The following ADAM19 variants were observed in gnomAD, a reference collection of about 807,000 sequenced individuals.
ADAM19 encodes ADAM metallopeptidase domain 19.
Under a neutral mutation model 114.7 loss-of-function variants are expected in ADAM19, and 65 were observed. The ratio of observed to expected loss-of-function variants is 0.57; its 90% CI spans 0.46 to 0.70. ADAM19 has a LOEUF of 0.70. Ranked by LOEUF, ADAM19 falls within the 30% of genes least tolerant of loss-of-function variation. The pLI is 0.00. For missense variants in ADAM19, 1,063 were observed against 1,204.7 expected, an observed-to-expected ratio of 0.88 and a Z score of 1.74; for synonymous variants, 466 against 460.5, an observed-to-expected ratio of 1.01 and a Z score of -0.15.
intron 3 of ADAM19, among the ~76,000 whole-genome samples, chr5:157,558,657 A>AC (rs935067001): frequency 6.6e-6 from 1 of 152,064 alleles, no homozygotes. Context: ...GTTAAAGTCT[A>AC]CTCTTGACCT....
intron 3 of ADAM19, among the ~76,000 whole-genome samples, chr5:157,556,312 G>A (rs756613396): frequency 1.4e-5 from 2 of 144,110 alleles, no homozygotes; most frequent in African/African-American, 2.6e-5. Flanking sequence ...TCTGCCTCCC[G>A]GGTTCAAGCA....
chr5:157,546,777 G>A (rs1169923768), intron 3 of ADAM19, among the ~76,000 whole-genome samples: 1 of 152,222 alleles, frequency 6.6e-6, no homozygotes, highest in African/African-American at 2.4e-5. Context: ...AAGGGGGGAA[G>A]TGAGACACAT....
intron 20 of ADAM19, 66 bp from the exon 21 acceptor site, chr5:157,488,555 T>C: frequency 7.5e-7 from 1 of 1,335,760 alleles, no homozygotes; most frequent in Non-Finnish European, 1.0e-6. Flanking sequence ...GTGTGTCTCT[T>C]TGAGATAAAC....
At chr5:157,498,528 G>A (rs144030298) in intron 13 of ADAM19, among the ~76,000 whole-genome samples, 14 of 152,256 alleles carry the variant, frequency 9.2e-5, no homozygotes, top group African/African-American at 2.2e-4. Flanking sequence ...GGCCCCTAAC[G>A]AGCACTCAGC....
chr5:157,533,522 G>A (rs911821460), intron 4 of ADAM19, among the ~76,000 whole-genome samples: 4 of 152,112 alleles, frequency 2.6e-5, no homozygotes, highest in African/African-American at 9.7e-5. Flanking sequence ...AACTCAACAG[G>A]GGAGCCACAA....
chr5:157,545,843 T>C (rs1757034295), intron 3 of ADAM19, among the ~76,000 whole-genome samples: 2 of 152,228 alleles, frequency 1.3e-5, no homozygotes, highest in African/African-American at 4.8e-5. Flanking sequence ...TAACTGCATA[T>C]TAAGCAGTGT....
intron 3 of ADAM19, among the ~76,000 whole-genome samples, chr5:157,556,193 GT>G (rs756721503): frequency 0.037 from 3,550 of 95,532 alleles, 69 homozygotes; most frequent in Middle Eastern, 0.061. Context: ...TTTATAACCT[GT>G]TTTTTTTTCT....
intron 14 of ADAM19, among the ~76,000 whole-genome samples, chr5:157,495,699 T>C (rs898396656): frequency 6.6e-6 from 1 of 152,114 alleles, no homozygotes; most frequent in Non-Finnish European, 1.5e-5. Flanking sequence ...AGTGGCACAA[T>C]CTCAGCTCAC....
chr5:157,561,069 C>T (rs1461158463), intron 3 of ADAM19, among the ~76,000 whole-genome samples: 1 of 152,228 alleles, frequency 6.6e-6, no homozygotes, highest in Admixed American at 6.5e-5. Flanking sequence ...ACAGGAATAA[C>T]CGACACAAAA....
At chr5:157,532,740 A>C (rs1453122204) in intron 4 of ADAM19, among the ~76,000 whole-genome samples, 1 of 152,132 alleles carries the variant, frequency 6.6e-6, no homozygotes, top group African/African-American at 2.4e-5. Context: ...GTGACCCAAT[A>C]ATCAGCTACC....
At chr5:157,555,067 C>T (rs1178831471) in intron 3 of ADAM19, among the ~76,000 whole-genome samples, 1 of 152,200 alleles carries the variant, frequency 6.6e-6, no homozygotes, top group Non-Finnish European at 1.5e-5. Context: ...CAGGACTATG[C>T]ATCTGAGAGG....
At chr5:157,488,135 T>C (rs1755011037) in intron 21 of ADAM19, 130 bp downstream of exon 21, 2 of 905,996 alleles carry the variant, frequency 2.2e-6, no homozygotes, top group Non-Finnish European at 3.5e-6. Flanking sequence ...GCCCCCGTAT[T>C]GACTGAATTG....
intron 4 of ADAM19, 125 bp downstream of exon 4, chr5:157,537,788 G>C (rs1053007375): frequency 1.3e-6 from 1 of 795,554 alleles, no homozygotes; most frequent in Non-Finnish European, 2.0e-6. Flanking sequence ...TGCTCCCTTG[G>C]TCTTCGCTTG....
chr5:157,526,171 T>TAC (rs764679784), intron 5 of ADAM19, among the ~76,000 whole-genome samples: 1,859 of 147,806 alleles, frequency 0.013, 16 homozygotes, highest in Non-Finnish European at 0.02. Context: ...TATATATATA[T>TAC]ATACACACAC....
At chr5:157,561,941 AT>A (rs1006945096) in intron 3 of ADAM19, among the ~76,000 whole-genome samples, 4 of 152,048 alleles carry the variant, frequency 2.6e-5, no homozygotes, top group African/African-American at 9.6e-5. Flanking sequence ...AAAAAAAAAA[AT>A]GAATACGTTG....
intron 15 of ADAM19, 67 bp from the exon 16 acceptor site, chr5:157,493,244 G>A: frequency 6.4e-7 from 1 of 1,551,048 alleles, no homozygotes; most frequent in East Asian, 2.3e-5. Flanking sequence ...GGGCACCAGA[G>A]AGCTTCAGTC....
Position 157,574,697 on chromosome 5 carries a change from C to T in ADAM19, c.94+906G>A, listed in dbSNP as rs554435808. Among the ~76,000 whole-genome samples, 9 of 152,184 alleles carry T rather than the reference C, an allele frequency of 5.9e-5. No individual in the cohort carries two copies. In the South Asian group the frequency reaches 1.0e-3, roughly 17 times the overall value. ...ATGAGAGAACCCGGGCACCGCCCCCCGGGACCAAGCCTTCCGCGAAATCTG... is the reference window on the plus strand; with the variant it reads ...ATGAGAGAACCCGGGCACCGCCCCCTGGGACCAAGCCTTCCGCGAAATCTG... On this transcript the variant is annotated intron_variant, in intron 1 of 22. Coordinates refer to ENST00000257527, the MANE Select transcript of ADAM19 (RefSeq NM_033274.5).
At chr5:157,556,675 T>C (rs1757377334) in intron 3 of ADAM19, among the ~76,000 whole-genome samples, 1 of 152,226 alleles carries the variant, frequency 6.6e-6, no homozygotes. Context: ...AGTGCTATAA[T>C]GTAGTAAGAG....
chr5:157,490,237 T>A, intron 19 of ADAM19, 73 bp downstream of exon 19: 2 of 1,558,162 alleles, frequency 1.3e-6, no homozygotes, highest in Non-Finnish European at 1.8e-6. Flanking sequence ...CCAACACTTT[T>A]GCTAAGTACC....
Sources: allele counts gnomAD v4.1 joint callset (sites outside exome capture counted in the v4.1 genomes callset), GRCh38; gene constraint gnomAD v4.1.1; transcripts MANE v1.5; gene names NCBI Gene and HGNC (gene_info 2026-07-23, HGNC 2026-07-21).